SPTB: variants seen among roughly 807,000 people sequenced by gnomAD.
SPTB encodes the protein spectrin beta, erythrocytic.
Under a neutral mutation model 256.2 loss-of-function variants are expected in SPTB, and 45 were observed. The observed-to-expected ratio is 0.18, with a 90% CI of 0.14 to 0.23. The LOEUF is 0.23. Among genes scored for constraint, SPTB ranks in the 10% least tolerant of loss-of-function variants. The pLI is 1.00. For synonymous variants in SPTB, 1,231 were observed against 1,243.1 expected (o/e 0.99, Z 0.21); for missense variants, 2,715 against 3,040.4 (o/e 0.89, Z 2.52).
chr14:64,757,868 G>A (rs2082037397), intron 32 of SPTB, among the ~76,000 whole-genome samples: 1 of 152,178 alleles, frequency 6.6e-6, no homozygotes, highest in Non-Finnish European at 1.5e-5. Context: ...ACACCGATGA[G>A]CTCTCAGACG....
rs1456800330 is a variant in SPTB, at chr14:64,785,722, C to A, written c.3764+27G>T. 6.2e-7 allele frequency: 1 copy of A among 1,613,846 alleles called. No homozygotes were observed. The highest frequency in any genetic ancestry group is 1.3e-5 in the African/African-American group (1 of 74,890). The stretch of plus-strand genomic sequence containing the variant: ...CACTACCCCCGTGTGGCTCTGGGGG[C>A]CTCGTGGCCCTGGGGCCCGGGAGTA... On this transcript the variant is annotated intron_variant, in intron 17 of 35. Coordinates refer to ENST00000644917, the MANE Select transcript of SPTB (RefSeq NM_001355436.2). The surrounding 1 kb of genome is among the most constrained non-coding windows in gnomAD (Gnocchi z 4.4).
rs563273192 is a variant in SPTB at position 64,775,887 on chromosome 14, C to G, written c.4564-484G>C. Among the ~76,000 whole-genome samples, 2 of 152,346 alleles carry G rather than the reference C, an allele frequency of 1.3e-5. No homozygotes were observed. Among genetic ancestry groups the G allele is most frequent in the East Asian group, 3.9e-4 (2 of 5,188 alleles). On this transcript the variant is annotated intron_variant, in intron 22 of 35. Transcript: ENST00000644917. The surrounding 1 kb of genome is among the most constrained non-coding windows in gnomAD (Gnocchi z 5.0). The stretch of plus-strand genomic sequence containing the variant: ...CAGCTCAGGTGGGCACAGTTTTTGC[C>G]TTCCATCTAAAAGAACAGGTGACAG...
rs1324490737 is a variant in SPTB at position 64,759,456 on chromosome 14, C to A, written c.6346-5663G>T. 2.0e-5 allele frequency among the ~76,000 whole-genome samples: 3 copies of A among 152,176 alleles called. No individual in the cohort carries two copies. Among genetic ancestry groups the A allele is most frequent in the South Asian group, 2.1e-4 (1 of 4,828 alleles). ...TAGCAGCATGGTTTGGCAGGAGGAC[C>A]CACCTCCCCTGAGCCTCAAGGCTAA... On this transcript the variant is annotated intron_variant, in intron 32 of 35. Coordinates refer to ENST00000644917, the MANE Select transcript of SPTB (RefSeq NM_001355436.2). The surrounding 1 kb of genome is among the most constrained non-coding windows in gnomAD (Gnocchi z 4.8).
intron 1 of SPTB, among the ~76,000 whole-genome samples, chr14:64,831,745 C>G (rs1446322338): frequency 6.6e-6 from 1 of 152,178 alleles, no homozygotes; most frequent in African/African-American, 2.4e-5. Context: ...ACCTGTGCGT[C>G]CACCACTGGG....
rs146211467 is a variant in SPTB at position 64,862,195 on chromosome 14, T to A, written c.-52+17597A>T. On this transcript the variant is annotated intron_variant, in intron 1 of 35. Transcript: ENST00000644917. ...CTCCTCCCTACTCCCAGGGTGCCTCTTTCTTTTAAGACTTTAATCTCAGTA... is the reference window on the plus strand; with the variant it reads ...CTCCTCCCTACTCCCAGGGTGCCTCATTCTTTTAAGACTTTAATCTCAGTA... 1.9e-4 allele frequency among the ~76,000 whole-genome samples: 29 copies of A among 152,090 alleles called. No homozygotes were observed. In the East Asian group the frequency reaches 5.6e-3, roughly 29 times the overall value.
At position 64,753,641 on chromosome 14, in the gene SPTB, G is replaced by C. The variant is rs748814015; in HGVS notation, c.6498C>G (p.Pro2166=). Residue 2166 remains proline, a synonymous_variant, in exon 33 of 36, where the codon CCC becomes CCG. Transcript: ENST00000644917. ...LDTPLSEGDE[P]ATLPAPRDHG... ...GGTCCCGCGGGGCCGGCAGCGTTGC[G>C]GGCTCATCACCCTCGCTCAGAGGCG... 34 of 1,613,512 alleles carry C rather than the reference G, an allele frequency of 2.1e-5. No homozygotes were observed. The South Asian group carries it at 3.6e-4, about 17-fold the overall frequency.
At chr14:64,857,001 T>A (rs535378902) in intron 1 of SPTB, among the ~76,000 whole-genome samples, 1 of 152,344 alleles carries the variant, frequency 6.6e-6, no homozygotes, top group East Asian at 1.9e-4. Context: ...CATTTGTTCA[T>A]ATGGTCCTGT....
chr14:64,782,686 A>C, intron 19 of SPTB, 133 bp from the exon 20 acceptor site: 1 of 1,356,610 alleles, frequency 7.4e-7, no homozygotes, highest in Non-Finnish European at 1.0e-6. Context: ...CATGGGTAAG[A>C]CTCAACTGAA....
chr14:64,823,252 A>C lies in SPTB; in HGVS notation c.-51-107T>G. 1 of 845,864 alleles carries C rather than the reference A, an allele frequency of 1.2e-6. No homozygotes were observed. The highest frequency in any genetic ancestry group is 1.9e-6 in the Non-Finnish European group (1 of 517,796). 52.4% of individuals were successfully genotyped at this position (845,864 alleles called of 1,614,324 possible). On this transcript the variant is annotated intron_variant, in intron 1 of 35. Transcript: ENST00000644917. This position sits in a 1 kb window ranked among gnomAD's most constrained non-coding sequence, Gnocchi z 6.5. ...AACGTGAGTAGATCCTGACAGAAGC[A>C]GAACGCCATGTCATCTGCCTGGGCG...
At position 64,746,532 on chromosome 14, in the gene SPTB, C is replaced by T. The variant is rs1309980907; in HGVS notation, c.*2774G>A. The T allele has an allele frequency of 6.6e-6, 1 of 152,656 alleles. No individual in the cohort carries two copies. The highest frequency in any genetic ancestry group is 1.5e-5 in the Non-Finnish European group (1 of 68,082). 9.5% of individuals were successfully genotyped at this position (152,656 alleles called of 1,614,324 possible). On this transcript the variant is annotated 3_prime_UTR_variant, in exon 36 of 36. Coordinates refer to ENST00000644917, the MANE Select transcript of SPTB (RefSeq NM_001355436.2). This position sits in a 1 kb window ranked among gnomAD's most constrained non-coding sequence, Gnocchi z 4.9. ...TCCTCCTCTGGATTCCTGCCCCCCT[C>T]CCATGAAGGGAGGAAGAGGATTCAG... is the stretch of plus-strand genomic sequence containing the variant.
At position 64,779,161 on chromosome 14, in the gene SPTB, T is replaced by G. The variant is rs890997122; in HGVS notation, c.4559A>C (p.Asn1520Thr). The G allele has an allele frequency of 2.6e-5, 42 of 1,613,546 alleles. No homozygotes were observed. Among genetic ancestry groups the G allele is most frequent in the Non-Finnish European group, 3.5e-5 (41 of 1,179,820 alleles). Residue 1520 changes from asparagine (N) to threonine (T), a missense_variant, in exon 22 of 36, where the codon AAC becomes ACC. Asn to Thr is a moderately conservative substitution (Grantham distance 65). Around this residue, in one of 4 missense-constraint regions of SPTB, gnomAD observed 2,239 missense variants for 2,384.4 expected, o/e 0.94. Coordinates refer to ENST00000644917, the MANE Select transcript of SPTB (RefSeq NM_001355436.2). The surrounding 1 kb of genome is among the most constrained non-coding windows in gnomAD (Gnocchi z 4.2). Reference sequence around the variant, plus strand: ...GTGAGGTGACGCAGGACTCACCTGGTTCTTCTTCATGAACAGTTGCACAGT... The same window carrying G: ...GTGAGGTGACGCAGGACTCACCTGGGTCTTCTTCATGAACAGTTGCACAGT... ...LQTVQLFMKK[N>T]QTLQNEILGH...
chr14:64,825,643 G>A lies in SPTB; in HGVS notation c.-51-2498C>T, dbSNP rs12587537. Among the ~76,000 whole-genome samples, 34,839 of 152,206 alleles carry A rather than the reference G, an allele frequency of 0.23. 4,232 individuals carry two copies. Among genetic ancestry groups the A allele is most frequent in the African/African-American group, 0.29 (12,115 of 41,524 alleles). ...CAGACCCTGAGTGCAGGAAGTAACC[G>A]GACCCTGGCTCTCCTGATTCGTCCT... On this transcript the variant is annotated intron_variant, in intron 1 of 35. Coordinates refer to ENST00000644917, the MANE Select transcript of SPTB (RefSeq NM_001355436.2). This position sits in a 1 kb window ranked among gnomAD's most constrained non-coding sequence, Gnocchi z 4.8.
rs761047761 is a variant in SPTB at position 64,767,646 on chromosome 14, C to G, written c.6219+17G>C. 1.9e-6 allele frequency: 3 copies of G among 1,613,632 alleles called. No individual in the cohort carries two copies. In the South Asian group the frequency reaches 3.3e-5, roughly 18 times the overall value. On this transcript the variant is annotated intron_variant, in intron 30 of 35. Coordinates refer to ENST00000644917, the MANE Select transcript of SPTB (RefSeq NM_001355436.2). The stretch of plus-strand genomic sequence containing the variant: ...GTTGCCACCCTCCTGAGCCTCCCAG[C>G]ACTGTTCCCTGCTCACCGTGGTGGG...
chr14:64,767,935 G>A, intron 29 of SPTB, 76 bp from the exon 30 acceptor site: 1 of 1,547,184 alleles, frequency 6.5e-7, no homozygotes, highest in South Asian at 1.1e-5. Flanking sequence ...CTCCTGATTG[G>A]GGCCAGTGGT....
At chr14:64,838,336 T>C (rs1053494751) in intron 1 of SPTB, among the ~76,000 whole-genome samples, 1 of 152,208 alleles carries the variant, frequency 6.6e-6, no homozygotes, top group Non-Finnish European at 1.5e-5. Context: ...AGAAAATCTT[T>C]GTGGCATTCG....
In SPTB at chr14:64,802,162, G is replaced by T; in HGVS notation, c.566+64C>A. 6.9e-7 allele frequency: 1 copy of T among 1,444,064 alleles called. No individual in the cohort carries two copies. Among genetic ancestry groups the T allele is most frequent in the Admixed American group, 1.7e-5 (1 of 59,016 alleles). 89.5% of individuals were successfully genotyped at this position (1,444,064 alleles called of 1,614,324 possible). On this transcript the variant is annotated intron_variant, in intron 5 of 35. Coordinates refer to ENST00000644917, the MANE Select transcript of SPTB (RefSeq NM_001355436.2). The surrounding 1 kb of genome is among the most constrained non-coding windows in gnomAD (Gnocchi z 5.1). ...GATGTCTAATGTCCCTCTGGAGATG[G>T]CAGTGCTTGTGCGGAGCAAGGGGCT... is the stretch of plus-strand genomic sequence containing the variant.
At chr14:64,863,090 A>T (rs1444079234) in intron 1 of SPTB, among the ~76,000 whole-genome samples, 5 of 152,084 alleles carry the variant, frequency 3.3e-5, no homozygotes, top group African/African-American at 7.2e-5. Flanking sequence ...GTCCTTTGTT[A>T]TATTTCTGCA....
chr14:64,793,753 T>C lies in SPTB; in HGVS notation c.1910A>G (p.Lys637Arg), dbSNP rs1372257114. 1.4e-6 allele frequency: 2 copies of C among 1,465,392 alleles called. No homozygotes were observed. The highest frequency in any genetic ancestry group is 1.1e-5 in the South Asian group (1 of 88,086). The allele number at this position is 1,465,392 out of a possible 1,614,324, so 90.8% of individuals were successfully genotyped here. ...CTCCCAGAAGAACTTCCAGAGTCGT[T>C]TGGACTGCTCCAGTTGGGCCTTCCG... ...AGRKAQLEQS[K>R]RLWKFFWEMD... The change falls in exon 14 of 36, where the codon AAA becomes AGA. Residue 637 changes from lysine to arginine, a missense_variant. Around this residue, in one of 4 missense-constraint regions of SPTB, gnomAD observed 2,239 missense variants for 2,384.4 expected, o/e 0.94. Transcript: ENST00000644917. The surrounding 1 kb of genome is among the most constrained non-coding windows in gnomAD (Gnocchi z 7.0).
In SPTB at chr14:64,840,269, T is replaced by C. The variant is rs1251963936; in HGVS notation, c.-51-17124A>G. Among the ~76,000 whole-genome samples the C allele has an allele frequency of 2.0e-5, 3 of 152,206 alleles. No homozygotes were observed. In the South Asian group the frequency reaches 6.2e-4, roughly 32 times the overall value. ...ATTTCCACCTTAGGATCCCTCCAAG[T>C]GAATCAGCTACTTCTCACCTTTCTC... is the stretch of plus-strand genomic sequence containing the variant. On this transcript the variant is annotated intron_variant, in intron 1 of 35. Transcript: ENST00000644917.
Sources: gnomAD v4.1 joint callset for allele counts (sites outside exome capture counted in the v4.1 genomes callset) on GRCh38, gnomAD v4.1.1 for gene constraint, gnomAD v4.1.1 regional missense constraint, Gnocchi (gnomAD v3.1) non-coding constraint, MANE v1.5 for transcripts, NCBI Gene and HGNC (gene_info 2026-07-23, HGNC 2026-07-21) for gene names.